The following FAM171B variants were observed in gnomAD, a reference collection of about 807,000 sequenced individuals.
The protein encoded by FAM171B is family with sequence similarity 171 member B.
FAM171B carries 19 observed loss-of-function variants against 75.6 expected under a neutral mutation model. That is an observed-to-expected ratio of 0.25 (90% CI 0.18 to 0.37). The LOEUF is 0.37. Among genes scored for constraint, FAM171B ranks in the 10% least tolerant of loss-of-function variants. The pLI is 1.00. For synonymous variants in FAM171B, 367 were observed against 361.7 expected (o/e 1.01, Z -0.17); for missense variants, 848 against 982.4 (o/e 0.86, Z 1.83).
At chr2:186,747,658 A>G (rs1418906410) in intron 4 of FAM171B, among the ~76,000 whole-genome samples, 1 of 152,150 alleles carries the variant, frequency 6.6e-6, no homozygotes, top group South Asian at 2.1e-4. Flanking sequence ...AGAAGTGTCA[A>G]TAATTGAGAT....
chr2:186,762,961 T>G lies in FAM171B; in HGVS notation c.*138T>G. 1 of 1,019,074 alleles carries G rather than the reference T, an allele frequency of 9.8e-7. No homozygotes were observed. Among genetic ancestry groups the G allele is most frequent in the South Asian group, 1.9e-5 (1 of 53,252 alleles). The allele number at this position is 1,019,074 out of a possible 1,614,324, so 63.1% of individuals were successfully genotyped here. A position where few individuals can be genotyped will look rare whatever the true frequency, so the allele number is the denominator to read the frequency against. ...ATGTCTCAAGCAGAGTAAATGGTAATTCAGTAATCAGAGAGAAAGATACCA... is the reference window on the plus strand; with the variant it reads ...ATGTCTCAAGCAGAGTAAATGGTAAGTCAGTAATCAGAGAGAAAGATACCA... On this transcript the variant is annotated 3_prime_UTR_variant, in exon 8 of 8. Transcript: ENST00000304698. The surrounding 1 kb of genome is among the most constrained non-coding windows in gnomAD (Gnocchi z 4.0).
At chr2:186,738,073 G>A (rs1486319654) in intron 1 of FAM171B, among the ~76,000 whole-genome samples, 1 of 152,236 alleles carries the variant, frequency 6.6e-6, no homozygotes, top group Non-Finnish European at 1.5e-5. Context: ...GTTTAGAGAT[G>A]CCAGTGATCA....
chr2:186,743,258 A>G (rs1315175891), intron 2 of FAM171B, among the ~76,000 whole-genome samples: 5 of 152,214 alleles, frequency 3.3e-5, no homozygotes, highest in Non-Finnish European at 1.5e-5. Flanking sequence ...AAAGATTAGT[A>G]AAATAAATAG....
intron 1 of FAM171B, among the ~76,000 whole-genome samples, chr2:186,724,327 T>C (rs946151518): frequency 2.9e-4 from 44 of 152,292 alleles, no homozygotes; most frequent in African/African-American, 1.0e-3. Context: ...ACACGATTTA[T>C]GCTGGGGGTC....
intron 6 of FAM171B, among the ~76,000 whole-genome samples, chr2:186,758,659 C>T (rs1690569418): frequency 6.6e-6 from 1 of 152,018 alleles, no homozygotes; most frequent in Non-Finnish European, 1.5e-5. Context: ...ATAGCATTCA[C>T]TTTTATCATG....
intron 1 of FAM171B, among the ~76,000 whole-genome samples, chr2:186,726,921 G>A (rs1178678438): frequency 6.6e-6 from 1 of 152,172 alleles, no homozygotes; most frequent in Non-Finnish European, 1.5e-5. Context: ...GGGCTGGAGA[G>A]CTGGCTGTAA....
At chr2:186,719,458 T>C (rs1230102360) in intron 1 of FAM171B, among the ~76,000 whole-genome samples, 1 of 152,214 alleles carries the variant, frequency 6.6e-6, no homozygotes, top group Non-Finnish European at 1.5e-5. Flanking sequence ...CAAAATAGTA[T>C]ATGGACTGTT....
At chr2:186,732,927 G>T (rs1559087352) in intron 1 of FAM171B, among the ~76,000 whole-genome samples, 1 of 152,186 alleles carries the variant, frequency 6.6e-6, no homozygotes, top group East Asian at 1.9e-4. Flanking sequence ...ACCAGTTTCA[G>T]ATTTTCTATC....
intron 1 of FAM171B, among the ~76,000 whole-genome samples, chr2:186,738,194 G>A (rs1039570727): frequency 3.3e-5 from 5 of 152,224 alleles, no homozygotes; most frequent in Non-Finnish European, 7.3e-5. Context: ...GCATATTGCA[G>A]CTATTTTATT....
chr2:186,708,537 T>G (rs1352690135), intron 1 of FAM171B, among the ~76,000 whole-genome samples: 1 of 152,186 alleles, frequency 6.6e-6, no homozygotes, highest in Non-Finnish European at 1.5e-5. Context: ...GTATAGCTAC[T>G]GTGGAAACAG....
Position 186,761,930 on chromosome 2 carries a change from C to G in FAM171B, c.1588C>G (p.Gln530Glu). ...GTATGGGCGTTCCCATATTCCTGAA[C>G]AGCTTATGCATATTTACAGCCAACC... Reference protein sequence around the residue: ...EAYGRSHIPEQLMHIYSQPIA... With the variant: ...EAYGRSHIPEELMHIYSQPIA... The change falls in exon 8 of 8, where the codon CAG becomes GAG. Residue 530 changes from glutamine (Q) to glutamate (E), a missense_variant. Gln to Glu is a conservative substitution (Grantham distance 29). This residue lies in a region of FAM171B where 665 missense variants were observed against 729.0 expected (regional missense o/e 0.91). Transcript: ENST00000304698. 6.2e-7 allele frequency: 1 copy of G among 1,613,336 alleles called. No individual in the cohort carries two copies. Among genetic ancestry groups the G allele is most frequent in the Middle Eastern group, 1.7e-4 (1 of 6,050 alleles).
chr2:186,694,496 C>T (rs983813266), intron 1 of FAM171B, 85 bp downstream of exon 1: 11 of 1,456,114 alleles, frequency 7.6e-6, no homozygotes, highest in Middle Eastern at 1.9e-4. Flanking sequence ...CCTTCCCTAT[C>T]CATTCCTATC....
chr2:186,703,089 A>G (rs1021107874), intron 1 of FAM171B, among the ~76,000 whole-genome samples: 1 of 151,370 alleles, frequency 6.6e-6, no homozygotes, highest in Non-Finnish European at 1.5e-5. Context: ...ACACACACAC[A>G]CACACACACA....
At chr2:186,707,845 A>ATTT (rs1476446573) in intron 1 of FAM171B, among the ~76,000 whole-genome samples, 68 of 144,816 alleles carry the variant, frequency 4.7e-4, no homozygotes, top group East Asian at 2.7e-3. Flanking sequence ...TTTTTTTAAA[A>ATTT]AAAAAAAAAG....
chr2:186,750,690 G>A (rs372296604), intron 4 of FAM171B, among the ~76,000 whole-genome samples: 4 of 151,976 alleles, frequency 2.6e-5, no homozygotes, highest in South Asian at 4.1e-4. Context: ...TATGTAAGAA[G>A]TGCAGCTAGA....
chr2:186,704,712 A>C (rs1048675257), intron 1 of FAM171B, among the ~76,000 whole-genome samples: 1 of 152,222 alleles, frequency 6.6e-6, no homozygotes, highest in African/African-American at 2.4e-5. Flanking sequence ...TGTGAATCAG[A>C]GGAGTCAAAA....
rs945621997 is a variant in FAM171B at position 186,765,351 on chromosome 2, C to A, written c.*2528C>A. The A allele has an allele frequency of 6.6e-5, 10 of 151,946 alleles. No homozygotes were observed. Among genetic ancestry groups the A allele is most frequent in the African/African-American group, 2.4e-4 (10 of 41,414 alleles). The allele number at this position is 151,946 out of a possible 1,614,324, so 9.4% of individuals were successfully genotyped here. On this transcript the variant is annotated 3_prime_UTR_variant, in exon 8 of 8. Transcript: ENST00000304698. The stretch of plus-strand genomic sequence containing the variant: ...TATTAAAGGCAAAACTATCTCTTGA[C>A]TAACTGATGGATTCATTTACTAAAG...
At chr2:186,709,803 T>C (rs1164756862) in intron 1 of FAM171B, among the ~76,000 whole-genome samples, 1 of 152,228 alleles carries the variant, frequency 6.6e-6, no homozygotes, top group East Asian at 1.9e-4. Flanking sequence ...CAGTGAGTGA[T>C]TTAAAATATA....
chr2:186,699,396 A>G (rs1689626207), intron 1 of FAM171B, among the ~76,000 whole-genome samples: 1 of 152,118 alleles, frequency 6.6e-6, no homozygotes, highest in African/African-American at 2.4e-5. Flanking sequence ...AGACCTTTTC[A>G]TATACCTGTT....
Sources: allele counts gnomAD v4.1 joint callset (sites outside exome capture counted in the v4.1 genomes callset), GRCh38; gene constraint gnomAD v4.1.1; regional missense constraint gnomAD v4.1.1; non-coding constraint Gnocchi (gnomAD v3.1); transcripts MANE v1.5; gene names NCBI Gene and HGNC (gene_info 2026-07-23, HGNC 2026-07-21).